PRKCE: variants seen among roughly 807,000 people sequenced by gnomAD.
PRKCE encodes protein kinase C epsilon type.
In PRKCE, 16 loss-of-function variants were observed where a neutral mutation model predicts 85.4. The observed-to-expected ratio is 0.19, with a 90% confidence interval of 0.13 to 0.28. PRKCE has a LOEUF of 0.28. PRKCE is among the 10% of genes least tolerant of loss of function. The pLI is 1.00. For missense variants in PRKCE, 573 were observed against 975.2 expected, an observed-to-expected ratio of 0.59 and a Z score of 5.49; for synonymous variants, 388 against 371.5, an observed-to-expected ratio of 1.04 and a Z score of -0.51.
chr2:45,859,723 C>T (rs909491222), intron 2 of PRKCE, among the ~76,000 whole-genome samples: 1 of 152,104 alleles, frequency 6.6e-6, no homozygotes, highest in Non-Finnish European at 1.5e-5. Flanking sequence ...TCTTTTCATT[C>T]TATGGTTATC....
intron 10 of PRKCE, among the ~76,000 whole-genome samples, chr2:46,038,651 TCACACACACACA>T (rs3222422): frequency 0.013 from 1,627 of 128,714 alleles, 30 homozygotes; most frequent in African/African-American, 0.03. Flanking sequence ...AGTAACAACT[TCACACACACACA>T]CACACACACA....
intron 1 of PRKCE, among the ~76,000 whole-genome samples, chr2:45,792,091 C>T (rs1324906024): frequency 6.6e-6 from 1 of 152,204 alleles, no homozygotes; most frequent in Non-Finnish European, 1.5e-5. Context: ...GGATGGCAAG[C>T]TCCAGAAGCC....
chr2:45,861,852 A>G (rs558811257), intron 2 of PRKCE, among the ~76,000 whole-genome samples: 2 of 152,330 alleles, frequency 1.3e-5, no homozygotes, highest in East Asian at 3.9e-4. Context: ...AACCATTATA[A>G]AGTTTTAGGT....
chr2:45,930,373 T>C (rs1698945657), intron 2 of PRKCE, among the ~76,000 whole-genome samples: 1 of 152,242 alleles, frequency 6.6e-6, no homozygotes, highest in Admixed American at 6.5e-5. Flanking sequence ...ACCAAAATTA[T>C]ATGATTAGCT....
chr2:45,988,820 C>T (rs950375416), intron 6 of PRKCE, among the ~76,000 whole-genome samples: 1 of 152,200 alleles, frequency 6.6e-6, no homozygotes, highest in East Asian at 1.9e-4. Context: ...CCTTTTCATT[C>T]TGCACTTTGT....
chr2:46,129,133 T>C (rs1180407494), intron 11 of PRKCE, among the ~76,000 whole-genome samples: 1 of 152,152 alleles, frequency 6.6e-6, no homozygotes, highest in African/African-American at 2.4e-5. Flanking sequence ...GGAGTGATGA[T>C]AGTACCCATT....
chr2:45,672,479 C>G (rs1260306373), intron 1 of PRKCE, among the ~76,000 whole-genome samples: 1 of 152,216 alleles, frequency 6.6e-6, no homozygotes, highest in African/African-American at 2.4e-5. Flanking sequence ...GACAGCCAGG[C>G]AGCCAGACAG....
Position 46,138,084 on chromosome 2 carries a change from T to C in PRKCE, c.1593-7009T>C, listed in dbSNP as rs1485139868. 6.6e-6 allele frequency among the ~76,000 whole-genome samples: 1 copy of C among 152,224 alleles called. No homozygotes were observed. The highest frequency in any genetic ancestry group is 1.5e-5 in the Non-Finnish European group (1 of 68,042). On this transcript the variant is annotated intron_variant, in intron 11 of 14. Coordinates refer to ENST00000306156, the MANE Select transcript of PRKCE (RefSeq NM_005400.3). The surrounding 1 kb of genome is among the most constrained non-coding windows in gnomAD (Gnocchi z 4.2). ...TCCTGCTCAGATAGGTTTTATAGAATATTTTAAAAGTACATTGTTTAGGGA... is the reference window on the plus strand; with the variant it reads ...TCCTGCTCAGATAGGTTTTATAGAACATTTTAAAAGTACATTGTTTAGGGA...
chr2:45,815,789 A>G (rs954035363), intron 1 of PRKCE, among the ~76,000 whole-genome samples: 1 of 152,044 alleles, frequency 6.6e-6, no homozygotes, highest in Admixed American at 6.6e-5. Context: ...ACTTCTAGTA[A>G]CTCCTCCTTT....
intron 1 of PRKCE, among the ~76,000 whole-genome samples, chr2:45,689,879 G>GT (rs1446412119): frequency 1.4e-5 from 2 of 147,780 alleles, no homozygotes; most frequent in African/African-American, 5.0e-5. Flanking sequence ...GACAGGCTGG[G>GT]TGACAGAGCA....
At chr2:46,149,694 C>CATAT (rs1391569648) in intron 12 of PRKCE, among the ~76,000 whole-genome samples, 2 of 146,902 alleles carry the variant, frequency 1.4e-5, no homozygotes, top group African/African-American at 5.0e-5. Flanking sequence ...ATGTCATCTC[C>CATAT]ATATATATAT....
intron 10 of PRKCE, among the ~76,000 whole-genome samples, chr2:46,018,761 A>G (rs551766433): frequency 5.9e-5 from 9 of 152,348 alleles, no homozygotes; most frequent in East Asian, 5.8e-4. Flanking sequence ...ATCATACTCT[A>G]TGTAAACTGT....
At chr2:45,673,551 A>C (rs893724239) in intron 1 of PRKCE, among the ~76,000 whole-genome samples, 3 of 152,208 alleles carry the variant, frequency 2.0e-5, no homozygotes, top group Non-Finnish European at 2.9e-5. Context: ...TTAATACGAC[A>C]TATTTAGGGC....
At chr2:46,023,119 A>G (rs1429107128) in intron 10 of PRKCE, among the ~76,000 whole-genome samples, 4 of 147,790 alleles carry the variant, frequency 2.7e-5, no homozygotes, top group Admixed American at 2.7e-4. Flanking sequence ...AATCATCTAT[A>G]TAGATAGATC....
At chr2:46,030,735 G>A (rs556115979) in intron 10 of PRKCE, among the ~76,000 whole-genome samples, 2 of 152,112 alleles carry the variant, frequency 1.3e-5, no homozygotes, top group South Asian at 2.1e-4. Context: ...GGAATTATTC[G>A]CTTAAACGAC....
At chr2:46,160,048 A>T (rs768758668) in intron 14 of PRKCE, 1 of 343,518 alleles carries the variant, frequency 2.9e-6, no homozygotes, top group Non-Finnish European at 5.3e-6. Flanking sequence ...GACAAATGAT[A>T]CTAGTTTTCC....
intron 2 of PRKCE, among the ~76,000 whole-genome samples, chr2:45,902,798 G>A (rs1162809968): frequency 1.3e-5 from 2 of 152,200 alleles, no homozygotes; most frequent in Non-Finnish European, 2.9e-5. Context: ...TATCCAAAGT[G>A]TTCTCTGTAG....
At chr2:45,868,640 A>G (rs1218650435) in intron 2 of PRKCE, among the ~76,000 whole-genome samples, 2 of 149,690 alleles carry the variant, frequency 1.3e-5, no homozygotes, top group African/African-American at 2.4e-5. Flanking sequence ...TGTCTTTTAA[A>G]TAGCTGGTAG....
rs902442863 is a variant in PRKCE, at chr2:45,938,151, A to G, written c.413-38278A>G. Reference sequence around the variant, plus strand: ...AGAATTAAAGACTGTTCACACCCACATAGAACCATCTGCTCTCTTAGCCTC... The same window carrying G: ...AGAATTAAAGACTGTTCACACCCACGTAGAACCATCTGCTCTCTTAGCCTC... On this transcript the variant is annotated intron_variant, in intron 2 of 14. Coordinates refer to ENST00000306156, the MANE Select transcript of PRKCE (RefSeq NM_005400.3). Among the ~76,000 whole-genome samples the G allele has an allele frequency of 2.6e-5, 4 of 152,164 alleles. No homozygotes were observed. The South Asian group carries it at 6.2e-4, about 24-fold the overall frequency.
Sources: allele counts gnomAD v4.1 joint callset (sites outside exome capture counted in the v4.1 genomes callset), GRCh38; gene constraint gnomAD v4.1.1; non-coding constraint Gnocchi (gnomAD v3.1); transcripts MANE v1.5; gene names NCBI Gene and HGNC (gene_info 2026-07-23, HGNC 2026-07-21).